ODF2L: variants seen among roughly 807,000 people sequenced by gnomAD.
The protein encoded by ODF2L is outer dense fiber of sperm tails 2 like.
A neutral mutation model predicts 86.3 loss-of-function variants in ODF2L; 76 were observed. That is an observed-to-expected ratio of 0.88 (90% CI 0.73 to 1.07). The LOEUF (loss-of-function observed/expected upper bound fraction) is 1.07, where lower values mean the gene tolerates loss of function less well. Ranked by LOEUF, ODF2L falls within the 50% of genes least tolerant of loss-of-function variation. The pLI is 0.00. For missense variants in ODF2L, 748 were observed against 717.4 expected (o/e 1.04, Z -0.49); for synonymous variants, 241 against 231.3 (o/e 1.04, Z -0.38).
chr1:86,374,196 A>T (rs1349184288), intron 8 of ODF2L, among the ~76,000 whole-genome samples: 2 of 152,176 alleles, frequency 1.3e-5, no homozygotes, highest in African/African-American at 4.8e-5. Context: ...TTTTTGTTTA[A>T]ATTTTTTCAC....
intron 16 of ODF2L, among the ~76,000 whole-genome samples, chr1:86,353,247 TC>T (rs1658281273): frequency 6.6e-6 from 1 of 152,230 alleles, no homozygotes; most frequent in Non-Finnish European, 1.5e-5. Flanking sequence ...AGGTGTTTTC[TC>T]CAACAGTATA....
chr1:86,347,841 T>A (rs1350479839), downstream of ODF2L: 1 of 152,170 alleles, frequency 6.6e-6, no homozygotes, highest in Non-Finnish European at 1.5e-5. Flanking sequence ...TTTTAGAGTA[T>A]CCTGCCTTGG....
intron 14 of ODF2L, 25 bp from the exon 14 acceptor site, chr1:86,354,884 T>C: frequency 7.3e-7 from 1 of 1,371,532 alleles, no homozygotes; most frequent in Non-Finnish European, 1.0e-6. Flanking sequence ...AAAGTTTTCT[T>C]AGTCATTTTC....
intron 1 of ODF2L, among the ~76,000 whole-genome samples, chr1:86,393,472 C>G (rs1481993369): frequency 6.6e-6 from 1 of 150,836 alleles, no homozygotes; most frequent in African/African-American, 2.4e-5. Flanking sequence ...ATGGAAAAAA[C>G]GTTTTCTGAT....
chr1:86,382,561 T>C (rs958259518), intron 6 of ODF2L, among the ~76,000 whole-genome samples: 3 of 152,060 alleles, frequency 2.0e-5, no homozygotes, highest in Non-Finnish European at 2.9e-5. Flanking sequence ...ACATTTTTTA[T>C]TTAATGGCTT....
At position 86,361,796 on chromosome 1, in the gene ODF2L, T is replaced by C. The variant is rs146857474; in HGVS notation, c.1144-1260A>G. On this transcript the variant is annotated intron_variant, in intron 11 of 17. Transcript: ENST00000317336. ...TTCAAAAAGGCAGAAATGTGAATGATTGATGAATACATGAGCCAATATGTT... is the reference window on the plus strand; with the variant it reads ...TTCAAAAAGGCAGAAATGTGAATGACTGATGAATACATGAGCCAATATGTT... Among the ~76,000 whole-genome samples, 229 of 152,244 alleles carry C rather than the reference T, an allele frequency of 1.5e-3. 1 individual carries two copies. Among genetic ancestry groups the C allele is most frequent in the African/African-American group, 5.2e-3 (216 of 41,534 alleles).
chr1:86,348,549 C>T (rs1020087304), downstream of ODF2L: 6 of 323,088 alleles, frequency 1.9e-5, no homozygotes, highest in African/African-American at 6.5e-5. Context: ...AAGAATTATC[C>T]AGCAAACAGG....
intron 1 of ODF2L, among the ~76,000 whole-genome samples, chr1:86,388,191 T>C (rs1487021367): frequency 3.9e-5 from 6 of 152,098 alleles, no homozygotes; most frequent in African/African-American, 1.4e-4. Context: ...GCTGCAAATA[T>C]GCAACATCTA....
chr1:86,371,314 A>T (rs578034682), intron 9 of ODF2L, among the ~76,000 whole-genome samples, 161 bp from the exon 10 acceptor site: 3 of 152,314 alleles, frequency 2.0e-5, no homozygotes, highest in African/African-American at 7.2e-5. Context: ...AAATAAGAAG[A>T]AGTAATCTAA....
At chr1:86,367,171 G>A (rs1039315177) in intron 11 of ODF2L, among the ~76,000 whole-genome samples, 10 of 152,140 alleles carry the variant, frequency 6.6e-5, no homozygotes, top group Non-Finnish European at 1.3e-4. Flanking sequence ...AAACCATGGA[G>A]CAAAGCCTTC....
In ODF2L at chr1:86,356,433, C is replaced by T. The variant is rs199702607; in HGVS notation, c.1518+11G>A. ...ACGCATCTAGCAAAACTCAGAAGGACGGCTGGACACCTGGCCCTGAAGCTC... is the reference window on the plus strand; with the variant it reads ...ACGCATCTAGCAAAACTCAGAAGGATGGCTGGACACCTGGCCCTGAAGCTC... On this transcript the variant is annotated intron_variant, in intron 14 of 17. Transcript: ENST00000317336. The T allele has an allele frequency of 1.6e-5, 26 of 1,592,612 alleles. No individual in the cohort carries two copies. The highest frequency in any genetic ancestry group is 3.4e-4 in the Middle Eastern group (2 of 5,914).
At chr1:86,388,075 GGA>G (rs1216901530) in intron 1 of ODF2L, among the ~76,000 whole-genome samples, 1 of 151,918 alleles carries the variant, frequency 6.6e-6, no homozygotes, top group Non-Finnish European at 1.5e-5. Context: ...CAAATATTTA[GGA>G]AACAGGCCAA....
At chr1:86,388,049 C>CTATA (rs1317568095) in intron 1 of ODF2L, among the ~76,000 whole-genome samples, 1 of 151,934 alleles carries the variant, frequency 6.6e-6, no homozygotes, top group East Asian at 1.9e-4. Flanking sequence ...TCTGAATGTT[C>CTATA]TATATACTAT....
chr1:86,381,412 C>T (rs1660576447), intron 7 of ODF2L, among the ~76,000 whole-genome samples: 1 of 151,982 alleles, frequency 6.6e-6, no homozygotes, highest in South Asian at 2.1e-4. Context: ...CCCATAAACC[C>T]GCATTATGTC....
intron 11 of ODF2L, among the ~76,000 whole-genome samples, chr1:86,367,214 G>A (rs1375729237): frequency 6.6e-6 from 1 of 151,840 alleles, no homozygotes; most frequent in Non-Finnish European, 1.5e-5. Flanking sequence ...TTCAATCTAG[G>A]TTGCTATACC....
At chr1:86,373,298 C>CA (rs1558036524) in intron 8 of ODF2L, among the ~76,000 whole-genome samples, 1 of 140,220 alleles carries the variant, frequency 7.1e-6, no homozygotes, top group East Asian at 2.0e-4. Context: ...TTCCATTTTA[C>CA]TTTTTTTTTT....
At chr1:86,376,928 A>G (rs1660215034) in intron 7 of ODF2L, among the ~76,000 whole-genome samples, 1 of 152,188 alleles carries the variant, frequency 6.6e-6, no homozygotes, top group Admixed American at 6.5e-5. Flanking sequence ...TTCACATTTC[A>G]AAACACAATC....
intron 10 of ODF2L, among the ~76,000 whole-genome samples, chr1:86,369,829 AG>A (rs1659674162): frequency 1.3e-5 from 2 of 152,194 alleles, no homozygotes; most frequent in South Asian, 4.1e-4. Flanking sequence ...CTACATAGAA[AG>A]AAGGGTTTAG....
intron 13 of ODF2L, chr1:86,358,124 C>A: frequency 1.0e-6 from 1 of 982,234 alleles, no homozygotes; most frequent in Non-Finnish European, 1.2e-6. Context: ...GGGAGCAACC[C>A]AGAGAGAGTA....
Sources: allele counts gnomAD v4.1 joint callset (sites outside exome capture counted in the v4.1 genomes callset), GRCh38; gene constraint gnomAD v4.1.1; transcripts MANE v1.5; gene names NCBI Gene and HGNC (gene_info 2026-07-23, HGNC 2026-07-21).